Variants in NEO1 observed in about 807,000 individuals in gnomAD.
NEO1 encodes the protein neogenin.
In NEO1, 63 loss-of-function variants were observed where a neutral mutation model predicts 159.7. The ratio of observed to expected loss-of-function variants is 0.39; its 90% CI spans 0.32 to 0.49. The LOEUF is 0.49. Among genes scored for constraint, NEO1 ranks in the 20% least tolerant of loss-of-function variants. The pLI, the probability that NEO1 is intolerant of heterozygous loss-of-function variation, is 0.85. For synonymous variants in NEO1, 633 were observed against 662.0 expected (o/e 0.96, Z 0.67); for missense variants, 1,615 against 1,831.0 (o/e 0.88, Z 2.15).
At chr15:73,082,036 G>A (rs1199712882) in intron 1 of NEO1, among the ~76,000 whole-genome samples, 1 of 152,096 alleles carries the variant, frequency 6.6e-6, no homozygotes, top group East Asian at 1.9e-4. Context: ...ACTGCATCCA[G>A]CTAATTATTG....
chr15:73,175,949 G>A (rs1046909692), intron 5 of NEO1, among the ~76,000 whole-genome samples: 1 of 152,072 alleles, frequency 6.6e-6, no homozygotes, highest in African/African-American at 2.4e-5. Context: ...GCTGTTTAAG[G>A]ACTCTAATGT....
chr15:73,236,323 C>T (rs1412363725), intron 7 of NEO1, 24 bp from the exon 8 acceptor site: 2 of 1,614,162 alleles, frequency 1.2e-6, no homozygotes, highest in Non-Finnish European at 1.7e-6. Context: ...ACTTCACTGA[C>T]CAGTGCCACT....
At chr15:73,121,011 G>A (rs903483414) in intron 2 of NEO1, among the ~76,000 whole-genome samples, 1 of 151,664 alleles carries the variant, frequency 6.6e-6, no homozygotes, top group African/African-American at 2.4e-5. Context: ...GCCAGTAAGA[G>A]TAAATTGCAG....
chr15:73,146,072 C>CT (rs1190599801), intron 5 of NEO1, among the ~76,000 whole-genome samples: 1 of 152,226 alleles, frequency 6.6e-6, no homozygotes, highest in Non-Finnish European at 1.5e-5. Context: ...CTCTGAAACT[C>CT]TGACTCCTAC....
intron 7 of NEO1, among the ~76,000 whole-genome samples, chr15:73,207,024 A>G (rs542505816): frequency 6.6e-6 from 1 of 152,240 alleles, no homozygotes; most frequent in East Asian, 1.9e-4. Flanking sequence ...ACCCAGTGAC[A>G]TCCCTTGTTA....
intron 7 of NEO1, among the ~76,000 whole-genome samples, chr15:73,208,747 A>C (rs926896646): frequency 6.6e-6 from 1 of 152,174 alleles, no homozygotes; most frequent in African/African-American, 2.4e-5. Context: ...CTGTAGTCCC[A>C]GCTGCTCAGG....
At chr15:73,070,236 T>A (rs151296251) in intron 1 of NEO1, among the ~76,000 whole-genome samples, 1,763 of 152,340 alleles carry the variant, frequency 0.012, 15 homozygotes, top group Middle Eastern at 0.031. Context: ...TGTATTTTAT[T>A]TGTAATATTA....
At chr15:73,085,659 T>C (rs1421196824) in intron 1 of NEO1, among the ~76,000 whole-genome samples, 1 of 152,204 alleles carries the variant, frequency 6.6e-6, no homozygotes, top group East Asian at 1.9e-4. Context: ...TGTTTTGTTT[T>C]AGCCATTCTA....
chr15:73,200,856 G>A (rs963770900), intron 7 of NEO1, among the ~76,000 whole-genome samples: 2 of 151,448 alleles, frequency 1.3e-5, no homozygotes, highest in African/African-American at 4.9e-5. Flanking sequence ...GCTAATTTTT[G>A]TATTTTTGGT....
intron 5 of NEO1, chr15:73,162,606 C>G (rs1190386126): frequency 6.5e-6 from 1 of 153,790 alleles, no homozygotes; most frequent in Admixed American, 6.5e-5. Context: ...ATATGTTGGC[C>G]AGGCTGGTCT....
At chr15:73,209,523 T>C (rs1370487798) in intron 7 of NEO1, among the ~76,000 whole-genome samples, 2 of 152,234 alleles carry the variant, frequency 1.3e-5, no homozygotes, top group African/African-American at 4.8e-5. Flanking sequence ...TTGCTTTCTT[T>C]GAGCTCTTTG....
At chr15:73,278,648 A>G (rs900538190) in intron 22 of NEO1, among the ~76,000 whole-genome samples, 1 of 152,204 alleles carries the variant, frequency 6.6e-6, no homozygotes, top group Admixed American at 6.5e-5. Context: ...GGTGCCTTCT[A>G]ATTTAATGAT....
At position 73,110,988 on chromosome 15, in the gene NEO1, GA is replaced by G. The variant is rs961810148; in HGVS notation, c.131-5544del. The stretch of plus-strand genomic sequence containing the variant: ...CACCACCAACAAAATTTTTGTTACT[GA>G]AAAAAAAGATAAGAAGAATGTGTAT... On this transcript the variant is annotated intron_variant, in intron 1 of 28. Coordinates refer to ENST00000261908, the MANE Select transcript of NEO1 (RefSeq NM_002499.4). Among the ~76,000 whole-genome samples the G allele has an allele frequency of 2.4e-3, 369 of 151,706 alleles. 1 individual carries two copies. The highest frequency in any genetic ancestry group is 8.5e-3 in the African/African-American group (351 of 41,400).
chr15:73,287,057 CTCTT>C (rs2041975236), intron 23 of NEO1, among the ~76,000 whole-genome samples: 2 of 152,220 alleles, frequency 1.3e-5, no homozygotes, highest in African/African-American at 4.8e-5. Context: ...GAAGTTCACA[CTCTT>C]AGCATTGCCC....
chr15:73,247,527 C>G (rs2039859330), intron 9 of NEO1, among the ~76,000 whole-genome samples: 1 of 152,296 alleles, frequency 6.6e-6, no homozygotes, highest in South Asian at 2.1e-4. Flanking sequence ...ATGCCCTTAA[C>G]TGAAGTGAAT....
intron 7 of NEO1, among the ~76,000 whole-genome samples, chr15:73,232,032 G>A (rs1714532): frequency 0.095 from 14,382 of 152,184 alleles, 905 homozygotes; most frequent in African/African-American, 0.17. Context: ...TTCCAAGAAA[G>A]ACATTTTGTA....
At chr15:73,185,528 G>T (rs778415782) in intron 7 of NEO1, among the ~76,000 whole-genome samples, 1 of 152,172 alleles carries the variant, frequency 6.6e-6, no homozygotes, top group Non-Finnish European at 1.5e-5. Flanking sequence ...ATTCATTGTT[G>T]CTGGGAATGC....
intron 1 of NEO1, among the ~76,000 whole-genome samples, chr15:73,077,866 T>C (rs547061379): frequency 6.6e-6 from 1 of 152,290 alleles, no homozygotes; most frequent in South Asian, 2.1e-4. Context: ...GTGTAAGCTT[T>C]ATGGGATGAT....
chr15:73,137,811 C>T (rs1199361710), intron 5 of NEO1, among the ~76,000 whole-genome samples: 2 of 152,040 alleles, frequency 1.3e-5, no homozygotes, highest in Non-Finnish European at 2.9e-5. Context: ...AAAGGTATAA[C>T]ATTGATGAGC....
Sources: allele counts gnomAD v4.1 joint callset (sites outside exome capture counted in the v4.1 genomes callset), GRCh38; gene constraint gnomAD v4.1.1; transcripts MANE v1.5; gene names NCBI Gene and HGNC (gene_info 2026-07-23, HGNC 2026-07-21).